NEDD9: variants seen among roughly 807,000 people sequenced by gnomAD.
NEDD9 encodes the protein neural precursor cell expressed, developmentally down-regulated 9.
Under a neutral mutation model 76.6 loss-of-function variants are expected in NEDD9, and 26 were observed. That is an observed-to-expected ratio of 0.34 (90% CI 0.25 to 0.47). The LOEUF (loss-of-function observed/expected upper bound fraction) is 0.47, where lower values mean the gene tolerates loss of function less well. Among genes scored for constraint, NEDD9 ranks in the 20% least tolerant of loss-of-function variants. NEDD9 has a pLI of 1.00. For synonymous variants in NEDD9, 392 were observed against 414.2 expected (o/e 0.95, Z 0.65); for missense variants, 937 against 1,058.5 (o/e 0.89, Z 1.59).
At chr6:11,304,648 C>G (rs1381193029) in intron 3 of NEDD9, among the ~76,000 whole-genome samples, 1 of 152,142 alleles carries the variant, frequency 6.6e-6, no homozygotes, top group Admixed American at 6.5e-5. Context: ...GAGTTCATGT[C>G]CTTTGTAGGG....
chr6:11,218,420 C>T (rs1046678182), intron 1 of NEDD9, among the ~76,000 whole-genome samples: 3 of 151,482 alleles, frequency 2.0e-5, no homozygotes, highest in Non-Finnish European at 2.9e-5. Flanking sequence ...CTTCCTCCCT[C>T]GAAACCCATC....
At position 11,213,806 on chromosome 6, in the gene NEDD9, G is replaced by T; in HGVS notation, c.13-79C>A. ...TATCACCTAAGGCCCGTGCTCTTAT[G>T]GAAAGGCACACTTCCTGGAAAGAGA... On this transcript the variant is annotated intron_variant, in intron 1 of 6. Coordinates refer to ENST00000379446, the MANE Select transcript of NEDD9 (RefSeq NM_006403.4). The surrounding 1 kb of genome is among the most constrained non-coding windows in gnomAD (Gnocchi z 5.4). 8.0e-7 allele frequency: 1 copy of T among 1,257,396 alleles called. No individual in the cohort carries two copies. The highest frequency in any genetic ancestry group is 1.1e-6 in the Non-Finnish European group (1 of 891,020). 77.9% of individuals were successfully genotyped at this position (1,257,396 alleles called of 1,614,324 possible).
chr6:11,271,170 C>A (rs564649485), intron 3 of NEDD9, among the ~76,000 whole-genome samples: 1 of 152,102 alleles, frequency 6.6e-6, no homozygotes, highest in Non-Finnish European at 1.5e-5. Context: ...AGAGTTGGCA[C>A]CACAGTTGCC....
rs764957469 is a variant in NEDD9 at position 11,190,906 on chromosome 6, T to C, written c.963A>G (p.Arg321=). 1.9e-6 allele frequency: 3 copies of C among 1,614,074 alleles called. No homozygotes were observed. In the Admixed American group the frequency reaches 5.0e-5, roughly 27 times the overall value. The change falls in exon 5 of 7, where the codon CGA becomes CGG. Residue 321 remains arginine (R), a synonymous_variant. Coordinates refer to ENST00000379446, the MANE Select transcript of NEDD9 (RefSeq NM_006403.4). This position sits in a 1 kb window ranked among gnomAD's most constrained non-coding sequence, Gnocchi z 5.8. ...CTGGTGGCTCAAGAAACTGAACGCC[T>C]CGGGGGACATCATATGCGTCGTTCT... ...GSQNDAYDVP[R]GVQFLEPPAE...
intron 2 of NEDD9, among the ~76,000 whole-genome samples, chr6:11,323,439 G>A (rs913098224): frequency 1.3e-5 from 2 of 152,212 alleles, no homozygotes; most frequent in African/African-American, 4.8e-5. Flanking sequence ...TCCTCTGCAG[G>A]GCTCATGGGC....
At chr6:11,244,263 ACACACACACACACGTGTGTG>A (rs940062125) in intron 3 of NEDD9, among the ~76,000 whole-genome samples, 4 of 151,358 alleles carry the variant, frequency 2.6e-5, no homozygotes, top group African/African-American at 4.9e-5. Flanking sequence ...TTCTCTTTAC[ACACACACACACACGTGTGTG>A]CACGCACACA....
intron 1 of NEDD9, among the ~76,000 whole-genome samples, chr6:11,379,905 T>A (rs1053094504): frequency 1.6e-4 from 24 of 152,368 alleles, no homozygotes; most frequent in Non-Finnish European, 3.2e-4. Flanking sequence ...AATTCTCCTA[T>A]TTGTGTTCCA....
chr6:11,273,803 A>G (rs1581993205), intron 3 of NEDD9, among the ~76,000 whole-genome samples: 1 of 152,114 alleles, frequency 6.6e-6, no homozygotes, highest in South Asian at 2.1e-4. Flanking sequence ...CCCGACAGCA[A>G]GTGATTCAGA....
At chr6:11,291,266 G>C (rs1018038430) in intron 3 of NEDD9, among the ~76,000 whole-genome samples, 4 of 136,880 alleles carry the variant, frequency 2.9e-5, no homozygotes, top group Non-Finnish European at 4.5e-5. Context: ...AATAGAATGA[G>C]GTTTTTTTTT....
chr6:11,206,271 T>C (rs1219473068), intron 2 of NEDD9, among the ~76,000 whole-genome samples: 4 of 151,848 alleles, frequency 2.6e-5, no homozygotes, highest in African/African-American at 9.7e-5. Flanking sequence ...ATACAAAAAT[T>C]AGCCGGGCAA....
At chr6:11,316,983 G>T (rs1043904119) in intron 2 of NEDD9, among the ~76,000 whole-genome samples, 12 of 152,222 alleles carry the variant, frequency 7.9e-5, no homozygotes, top group African/African-American at 2.9e-4. Flanking sequence ...TTCATGTGGA[G>T]ACTATCCAAT....
intron 1 of NEDD9, among the ~76,000 whole-genome samples, chr6:11,355,424 CAAT>C (rs1292793372): frequency 1.3e-5 from 2 of 152,100 alleles, no homozygotes. Context: ...ACAACAACAA[CAAT>C]AATAAATCAG....
rs762527229 is a variant in NEDD9, at chr6:11,213,491, C to T, written c.249G>A (p.Gln83=). ...AGAGCTTCTGTTGGCCAAAGGTCTG[C>T]TGCATCAGTCCAGAGGCAGGCTGCT... ...SHEQPASGLM[Q]QTFGQQKLYQ... Residue 83 remains glutamine, a synonymous_variant, in exon 2 of 7, where the codon CAG becomes CAA. Coordinates refer to ENST00000379446, the MANE Select transcript of NEDD9 (RefSeq NM_006403.4). This position sits in a 1 kb window ranked among gnomAD's most constrained non-coding sequence, Gnocchi z 5.4. The T allele has an allele frequency of 1.9e-6, 3 of 1,614,168 alleles. No individual in the cohort carries two copies. The highest frequency in any genetic ancestry group is 1.7e-6 in the Non-Finnish European group (2 of 1,180,032).
At chr6:11,295,951 C>T (rs2113387122) in intron 3 of NEDD9, among the ~76,000 whole-genome samples, 2 of 152,266 alleles carry the variant, frequency 1.3e-5, no homozygotes, top group Admixed American at 1.3e-4. Flanking sequence ...GAAACTTTAA[C>T]ACCAAGGAAC....
intron 1 of NEDD9, among the ~76,000 whole-genome samples, chr6:11,215,887 C>T (rs752871958): frequency 1.3e-4 from 20 of 152,182 alleles, no homozygotes; most frequent in African/African-American, 4.6e-4. Flanking sequence ...TCAAGGCATT[C>T]GGAATTGGGC....
chr6:11,273,527 G>C (rs1484824492), intron 3 of NEDD9, among the ~76,000 whole-genome samples: 1 of 152,244 alleles, frequency 6.6e-6, no homozygotes, highest in East Asian at 1.9e-4. Context: ...GCGCCTATCT[G>C]TGTGCGTTCA....
At chr6:11,337,225 A>G (rs1762180365) in intron 1 of NEDD9, among the ~76,000 whole-genome samples, 1 of 152,176 alleles carries the variant, frequency 6.6e-6, no homozygotes, top group Non-Finnish European at 1.5e-5. Context: ...CTCAAAAACA[A>G]AAACAAAAAC....
intron 3 of NEDD9, among the ~76,000 whole-genome samples, chr6:11,300,394 A>G (rs932386234): frequency 6.6e-6 from 1 of 152,254 alleles, no homozygotes; most frequent in African/African-American, 2.4e-5. Context: ...TGATTGGTGT[A>G]CCTGAAAGTG....
At chr6:11,322,143 A>C (rs988321233) in intron 2 of NEDD9, among the ~76,000 whole-genome samples, 1 of 152,198 alleles carries the variant, frequency 6.6e-6, no homozygotes, top group Admixed American at 6.5e-5. Context: ...ACGTGAACAC[A>C]GGGAGGGAAA....
Sources: allele counts gnomAD v4.1 joint callset (sites outside exome capture counted in the v4.1 genomes callset), GRCh38; gene constraint gnomAD v4.1.1; non-coding constraint Gnocchi (gnomAD v3.1); transcripts MANE v1.5; gene names NCBI Gene and HGNC (gene_info 2026-07-23, HGNC 2026-07-21).